CASS4: variants seen among roughly 807,000 people sequenced by gnomAD.
The protein encoded by CASS4 is Cas scaffold protein family member 4, also known as cas scaffolding protein family member 4.
In CASS4, 22 loss-of-function variants were observed where a neutral mutation model predicts 54.2. That is an observed-to-expected ratio of 0.41 (90% CI 0.29 to 0.58). The LOEUF is 0.58. CASS4 is among the 20% of genes least tolerant of loss of function. The pLI is 0.36. For synonymous variants in CASS4, 409 were observed against 391.5 expected (o/e 1.04, Z -0.53); for missense variants, 854 against 986.7 (o/e 0.87, Z 1.80).
chr20:56,428,073 G>A (rs867966644), intron 1 of CASS4, among the ~76,000 whole-genome samples: 4 of 152,266 alleles, frequency 2.6e-5, no homozygotes, highest in Middle Eastern at 3.4e-3. Flanking sequence ...ACTATGGACT[G>A]GTGACCTCAC....
chr20:56,440,292 A>G (rs3787390), intron 2 of CASS4, among the ~76,000 whole-genome samples: 63,846 of 152,000 alleles, frequency 0.42, 15,801 homozygotes, highest in African/African-American at 0.69. Context: ...CTCGGAGCAG[A>G]GCTTTGCTGA....
intron 1 of CASS4, among the ~76,000 whole-genome samples, chr20:56,420,156 G>A (rs572354034): frequency 2.6e-5 from 4 of 152,280 alleles, no homozygotes; most frequent in East Asian, 1.9e-4. Flanking sequence ...GTTTCTCCAC[G>A]AGTTTATGTT....
intron 2 of CASS4, among the ~76,000 whole-genome samples, chr20:56,445,346 G>A (rs1980654052): frequency 6.6e-6 from 1 of 152,096 alleles, no homozygotes; most frequent in Non-Finnish European, 1.5e-5. Flanking sequence ...CTGCTTCCCT[G>A]CCTCAGCCCA....
In CASS4 at chr20:56,439,722, A is replaced by T. The variant is rs183953323; in HGVS notation, c.459+2136A>T. Among the ~76,000 whole-genome samples the T allele has an allele frequency of 5.9e-5, 9 of 152,244 alleles. No individual in the cohort carries two copies. The South Asian group carries it at 6.2e-4, about 11-fold the overall frequency. On this transcript the variant is annotated intron_variant, in intron 2 of 5. Coordinates refer to ENST00000679887, the MANE Select transcript of CASS4 (RefSeq NM_020356.4). ...AAATGCAGAATGAAAACTTTTTTTA[A>T]TAAGGAAAAGAATTAAAGTAAGGAA...
chr20:56,436,013 A>G (rs367669347), intron 1 of CASS4, among the ~76,000 whole-genome samples: 10 of 152,000 alleles, frequency 6.6e-5, no homozygotes, highest in African/African-American at 2.2e-4. Context: ...CGGCCCCCCA[A>G]AGTGCTGGGA....
At chr20:56,445,478 C>A (rs1309793741) in intron 2 of CASS4, among the ~76,000 whole-genome samples, 1 of 152,230 alleles carries the variant, frequency 6.6e-6, no homozygotes, top group Non-Finnish European at 1.5e-5. Flanking sequence ...CTCAGCCTAG[C>A]TAGATGAATG....
At position 56,458,435 on chromosome 20, in the gene CASS4, C is replaced by T. The variant is rs1981411137; in HGVS notation, c.2049C>T (p.Leu683=). 2 of 1,614,074 alleles carry T rather than the reference C, an allele frequency of 1.2e-6. No homozygotes were observed. Among genetic ancestry groups the T allele is most frequent in the Non-Finnish European group, 1.7e-6 (2 of 1,180,054 alleles). ...SEHCRLYFGA[L]FKAISAFHGS... is the part of the protein sequence containing the mutation. ...ACTGCCGGCTCTACTTTGGGGCGCT[C>T]TTCAAAGCCATCAGCGCATTTCACG... The change falls in exon 6 of 6, where the codon CTC becomes CTT. Residue 683 remains leucine (L), a synonymous_variant. Transcript: ENST00000679887.
At chr20:56,418,492 A>T (rs1368877964) in intron 1 of CASS4, among the ~76,000 whole-genome samples, 5 of 152,196 alleles carry the variant, frequency 3.3e-5, no homozygotes, top group Admixed American at 1.3e-4. Flanking sequence ...GATCTAATTT[A>T]TGTTTTCTAG....
chr20:56,436,928 A>T (rs144679127), intron 1 of CASS4, among the ~76,000 whole-genome samples: 1 of 152,310 alleles, frequency 6.6e-6, no homozygotes, highest in Non-Finnish European at 1.5e-5. Flanking sequence ...TATTAGGACC[A>T]TCCGACCTCG....
At chr20:56,425,607 T>C (rs1424999095) in intron 1 of CASS4, among the ~76,000 whole-genome samples, 1 of 152,220 alleles carries the variant, frequency 6.6e-6, no homozygotes, top group Non-Finnish European at 1.5e-5. Context: ...AATTCCTTTC[T>C]ATCTAATCTA....
intron 3 of CASS4, among the ~76,000 whole-genome samples, chr20:56,447,921 T>A (rs1980801789): frequency 6.6e-6 from 1 of 152,134 alleles, no homozygotes; most frequent in Non-Finnish European, 1.5e-5. Context: ...GGCAGGTAGA[T>A]CACGAGGTCA....
chr20:56,425,929 CT>C (rs1397510561), intron 1 of CASS4, among the ~76,000 whole-genome samples: 5 of 152,316 alleles, frequency 3.3e-5, no homozygotes, highest in African/African-American at 1.2e-4. Context: ...TCATCTTGCT[CT>C]TTTTAAAAAA....
At chr20:56,423,418 C>A (rs532424129) in intron 1 of CASS4, among the ~76,000 whole-genome samples, 6 of 152,046 alleles carry the variant, frequency 3.9e-5, no homozygotes, top group African/African-American at 7.3e-5. Flanking sequence ...GACTGTCACA[C>A]CATGGGAAAC....
At chr20:56,456,299 C>T (rs1363550660) in intron 5 of CASS4, among the ~76,000 whole-genome samples, 4 of 152,154 alleles carry the variant, frequency 2.6e-5, no homozygotes, top group South Asian at 2.1e-4. Flanking sequence ...ACATTTTTCA[C>T]CTCCCTACGG....
Position 56,459,478 on chromosome 20 carries a change from T to C in CASS4, c.*731T>C. ...CAATGTCTCCTTTTGGAGTTGTACC[T>C]GATTTTATTACCAGTTTTCATCTGA... On this transcript the variant is annotated 3_prime_UTR_variant, in exon 6 of 6. Transcript: ENST00000679887. The C allele has an allele frequency of 3.6e-6, 1 of 277,484 alleles. No individual in the cohort carries two copies. The highest frequency in any genetic ancestry group is 7.6e-6 in the Non-Finnish European group (1 of 132,164). The allele number at this position is 277,484 out of a possible 1,614,324, so 17.2% of individuals were successfully genotyped here. A position where few individuals can be genotyped will look rare whatever the true frequency, so the allele number is the denominator to read the frequency against.
At chr20:56,443,669 C>T (rs2087211356) in intron 2 of CASS4, among the ~76,000 whole-genome samples, 2 of 151,908 alleles carry the variant, frequency 1.3e-5, no homozygotes, top group African/African-American at 2.4e-5. Context: ...TGGGGAAAGG[C>T]GGGGTTTAGG....
At chr20:56,415,782 C>A (rs1318285194) in intron 1 of CASS4, among the ~76,000 whole-genome samples, 1 of 152,218 alleles carries the variant, frequency 6.6e-6, no homozygotes, top group Non-Finnish European at 1.5e-5. Context: ...TTCTCGCAAG[C>A]TGTTCCTAAT....
chr20:56,412,085 G>A (rs980769352), upstream of CASS4: 13 of 306,756 alleles, frequency 4.2e-5, no homozygotes, highest in South Asian at 8.5e-5. The surrounding 1 kb of genome is among the most constrained non-coding windows in gnomAD (Gnocchi z 4.2). Flanking sequence ...TGAGCTCTTC[G>A]AAGTAGGAAC....
chr20:56,439,431 G>C (rs1980353868), intron 2 of CASS4, among the ~76,000 whole-genome samples: 1 of 151,914 alleles, frequency 6.6e-6, no homozygotes, highest in Admixed American at 6.5e-5. Context: ...AGCAGTTTGG[G>C]AGGCCAAGGC....
Sources: allele counts gnomAD v4.1 joint callset (sites outside exome capture counted in the v4.1 genomes callset), GRCh38; gene constraint gnomAD v4.1.1; non-coding constraint Gnocchi (gnomAD v3.1); transcripts MANE v1.5; gene names NCBI Gene and HGNC (gene_info 2026-07-23, HGNC 2026-07-21).